The following THBS2 variants were observed in gnomAD, a reference collection of about 807,000 sequenced individuals.
The protein encoded by THBS2 is thrombospondin-2.
THBS2 carries 47 observed loss-of-function variants against 135.2 expected under a neutral mutation model. The observed-to-expected ratio is 0.35, with a 90% CI of 0.28 to 0.44. THBS2 has a LOEUF of 0.44. Among genes scored for constraint, THBS2 ranks in the 20% least tolerant of loss-of-function variants. THBS2 has a pLI of 1.00. For missense variants in THBS2, 1,288 were observed against 1,603.1 expected (o/e 0.80, Z 3.36); for synonymous variants, 639 against 633.8 (o/e 1.01, Z -0.12).
Position 169,216,542 on chromosome 6 carries a change from A to G in THBS2, c.*1280T>C, listed in dbSNP as rs1463214759. ...TCAGCGTTTGAATTAAAAGAATTCC[A>G]TATACAGCAGATAGATAACAGTAAC... On this transcript the variant is annotated 3_prime_UTR_variant, in exon 22 of 22. Coordinates refer to ENST00000617924, the MANE Select transcript of THBS2 (RefSeq NM_003247.5). 3 of 152,244 alleles carry G rather than the reference A, an allele frequency of 2.0e-5. No homozygotes were observed. The highest frequency in any genetic ancestry group is 7.2e-5 in the African/African-American group (3 of 41,452). 9.4% of individuals were successfully genotyped at this position (152,244 alleles called of 1,614,324 possible).
intron 1 of THBS2, among the ~76,000 whole-genome samples, chr6:169,251,357 T>C (rs1341986687): frequency 6.6e-6 from 1 of 152,248 alleles, no homozygotes; most frequent in Non-Finnish European, 1.5e-5. Context: ...TGGTGAATTA[T>C]ACTTACAAAA....
rs1779433363 is a variant in THBS2 at position 169,221,606 on chromosome 6, C to CA, written c.3274-80dup. The CA allele has an allele frequency of 2.8e-5, 36 of 1,288,170 alleles. No individual in the cohort carries two copies. In the South Asian group the frequency reaches 4.2e-4, roughly 15 times the overall value. The allele number at this position is 1,288,170 out of a possible 1,614,324, so 79.8% of individuals were successfully genotyped here. A position where few individuals can be genotyped will look rare whatever the true frequency, so the allele number is the denominator to read the frequency against. The stretch of plus-strand genomic sequence containing the variant: ...CAGCTCTGTAACACCAAGCAGGAAG[C>CA]AAAAACATGACTTTGCAAGTTCATG... On this transcript the variant is annotated intron_variant, in intron 19 of 21. Coordinates refer to ENST00000617924, the MANE Select transcript of THBS2 (RefSeq NM_003247.5).
intron 17 of THBS2, 106 bp from the exon 18 acceptor site, chr6:169,223,581 T>A: frequency 2.3e-6 from 2 of 888,262 alleles, no homozygotes; most frequent in Middle Eastern, 4.4e-4. Flanking sequence ...TGAGTGCATC[T>A]TTCCCAGAAC....
In THBS2 at chr6:169,232,697, C is replaced by G. The variant is rs980399457; in HGVS notation, c.1899G>C (p.Gly633=). 6.2e-7 allele frequency: 1 copy of G among 1,611,766 alleles called. No homozygotes were observed. The highest frequency in any genetic ancestry group is 1.1e-5 in the South Asian group (1 of 90,862). ...CCGTCTTGGCTGCTTCCAGGCCGACCCCGACGGGCTGGTTCCCTCTGTATC... is the reference window on the plus strand; with the variant it reads ...CCGTCTTGGCTGCTTCCAGGCCGACGCCGACGGGCTGGTTCCCTCTGTATC... ...PPRYRGNQPV[G]VGLEAAKTEK... The change falls in exon 12 of 22, where the codon GGG becomes GGC. Residue 633 remains glycine, a synonymous_variant. Coordinates refer to ENST00000617924, the MANE Select transcript of THBS2 (RefSeq NM_003247.5).
chr6:169,225,365 A>G lies in THBS2; in HGVS notation c.2553T>C (p.Asn851=). The G allele has an allele frequency of 1.3e-6, 2 of 1,556,058 alleles. No individual in the cohort carries two copies. The highest frequency in any genetic ancestry group is 1.7e-6 in the Non-Finnish European group (2 of 1,149,420). Residue 851 remains asparagine, a synonymous_variant, in exon 17 of 22, where the codon AAT becomes AAC. Transcript: ENST00000617924. ...VHNPDQTDVD[N]DLVGDQCDNN... ...TGTCACACTGGTCCCCAACAAGGTC[A>G]TTGTCCACGTCGGTCTAGGGGATGG...
chr6:169,216,238 C>G lies in THBS2; in HGVS notation c.*1584G>C, dbSNP rs1172909909. On this transcript the variant is annotated 3_prime_UTR_variant, in exon 22 of 22. Coordinates refer to ENST00000617924, the MANE Select transcript of THBS2 (RefSeq NM_003247.5). ...TCAAAATGCAATGTGTACATTAAGACTAAAGTTATGGATTGTTCCTGTTTG... is the reference window on the plus strand; with the variant it reads ...TCAAAATGCAATGTGTACATTAAGAGTAAAGTTATGGATTGTTCCTGTTTG... The G allele has an allele frequency of 6.6e-6, 1 of 152,146 alleles. No individual in the cohort carries two copies. Among genetic ancestry groups the G allele is most frequent in the African/African-American group, 2.4e-5 (1 of 41,442 alleles). 9.4% of individuals were successfully genotyped at this position (152,146 alleles called of 1,614,324 possible).
chr6:169,238,776 T>C (rs138780744), intron 7 of THBS2, among the ~76,000 whole-genome samples: 20 of 152,314 alleles, frequency 1.3e-4, no homozygotes, highest in East Asian at 1.2e-3. Context: ...AGAGGTAAGG[T>C]GCCCTGAGGA....
intron 20 of THBS2, among the ~76,000 whole-genome samples, chr6:169,220,644 C>T (rs1354248680): frequency 6.6e-6 from 1 of 152,136 alleles, no homozygotes; most frequent in Non-Finnish European, 1.5e-5. Flanking sequence ...AGGAAGCTTC[C>T]CACTTCCTGG....
In THBS2 at chr6:169,237,234, C is replaced by T. The variant is rs748133469; in HGVS notation, c.1413G>A (p.Met471Ile). 2.5e-6 allele frequency: 4 copies of T among 1,613,324 alleles called. No homozygotes were observed. The highest frequency in any genetic ancestry group is 3.4e-6 in the Non-Finnish European group (4 of 1,180,000). ...CACTCCCTTTGCAATTCTTGCCCCC[C>T]ATCTGGGGCACTGGGGAGTTGCAGA... ...IRLCNSPVPQMGGKNCKGSGR... is the reference protein window; with the variant it reads ...IRLCNSPVPQIGGKNCKGSGR... The change falls in exon 9 of 22, where the codon ATG (methionine) becomes ATA (isoleucine). Residue 471 changes from methionine to isoleucine, a missense_variant. Physicochemically the swap from Met to Ile is conservative, Grantham distance 10. This residue lies in a region of THBS2 where 874 missense variants were observed against 1,156.1 expected (regional missense o/e 0.76). Coordinates refer to ENST00000617924, the MANE Select transcript of THBS2 (RefSeq NM_003247.5).
At chr6:169,227,402 A>G (rs1370045442) in intron 15 of THBS2, among the ~76,000 whole-genome samples, 1 of 152,212 alleles carries the variant, frequency 6.6e-6, no homozygotes, top group Non-Finnish European at 1.5e-5. Context: ...TAAAGCAGCA[A>G]CCGGGATCAG....
chr6:169,222,813 A>G (rs558299842), intron 18 of THBS2, among the ~76,000 whole-genome samples: 1,426 of 74,122 alleles, frequency 0.019, 13 homozygotes, highest in Middle Eastern at 0.06. Context: ...AAAAAGAAAA[A>G]AAAGAAAAAA....
At position 169,241,429 on chromosome 6, in the gene THBS2, GTGTGTGTGTA is replaced by G. The variant is rs533605219; in HGVS notation, c.891+323_891+332del. ...TGTGTGTGTGTGTATGTGTGTGTAT[GTGTGTGTGTA>G]TGTGTGTGTGTGTGTGTACACTCAT... On this transcript the variant is annotated intron_variant, in intron 5 of 21. Transcript: ENST00000617924. This position sits in a 1 kb window ranked among gnomAD's most constrained non-coding sequence, Gnocchi z 5.5. Among the ~76,000 whole-genome samples the G allele has an allele frequency of 3.4e-3, 287 of 85,396 alleles. No homozygotes were observed. The highest frequency in any genetic ancestry group is 0.029 in the East Asian group (43 of 1,474). 56.0% of individuals were successfully genotyped at this position (85,396 alleles called of 152,430 possible).
intron 4 of THBS2, among the ~76,000 whole-genome samples, chr6:169,245,732 C>T (rs1780532307): frequency 6.8e-6 from 1 of 147,696 alleles, no homozygotes; most frequent in Non-Finnish European, 1.5e-5. Context: ...GCAGAGCTTG[C>T]AGTGAGCCCA....
chr6:169,220,738 G>A (rs556503801), intron 20 of THBS2, among the ~76,000 whole-genome samples: 1 of 152,312 alleles, frequency 6.6e-6, no homozygotes, highest in Admixed American at 6.5e-5. Flanking sequence ...GAAGCTGCGT[G>A]GGAGCAGGAC....
intron 4 of THBS2, among the ~76,000 whole-genome samples, chr6:169,244,599 C>T (rs550858211): frequency 1.3e-4 from 14 of 111,834 alleles, no homozygotes; most frequent in East Asian, 3.9e-4. Flanking sequence ...TACACACGCA[C>T]GCACACACAC....
intron 3 of THBS2, among the ~76,000 whole-genome samples, chr6:169,247,432 C>T (rs544118406): frequency 1.3e-5 from 2 of 151,826 alleles, no homozygotes; most frequent in East Asian, 1.9e-4. Context: ...TGTATGTATA[C>T]GTGTGTATGA....
chr6:169,239,748 TG>T, intron 6 of THBS2, 53 bp from the exon 7 acceptor site: 1 of 1,399,180 alleles, frequency 7.1e-7, no homozygotes, highest in Non-Finnish European at 9.9e-7. Context: ...GAGGGGACGC[TG>T]GTACAAGGGC....
At chr6:169,235,000 G>A (rs1392965693) in intron 9 of THBS2, 93 bp from the exon 10 acceptor site, 11 of 1,319,580 alleles carry the variant, frequency 8.3e-6, no homozygotes, top group Non-Finnish European at 1.1e-5. Flanking sequence ...GGTGGGACAT[G>A]GTGTTCCCTA....
At chr6:169,246,556 T>C (rs1583421053) in intron 3 of THBS2, among the ~76,000 whole-genome samples, 1 of 152,364 alleles carries the variant, frequency 6.6e-6, no homozygotes, top group African/African-American at 2.4e-5. Context: ...AGATGGCCCT[T>C]GGAGAGGTGT....
Sources: allele counts gnomAD v4.1 joint callset (sites outside exome capture counted in the v4.1 genomes callset), GRCh38; gene constraint gnomAD v4.1.1; regional missense constraint gnomAD v4.1.1; non-coding constraint Gnocchi (gnomAD v3.1); transcripts MANE v1.5; gene names NCBI Gene and HGNC (gene_info 2026-07-23, HGNC 2026-07-21).